The following COL6A2 variants were observed in gnomAD, a reference collection of about 807,000 sequenced individuals.
COL6A2 encodes the protein collagen alpha-2(VI) chain.
A neutral mutation model predicts 124.9 loss-of-function variants in COL6A2; 90 were observed. The ratio of observed to expected loss-of-function variants is 0.72; its 90% confidence interval spans 0.61 to 0.86. The LOEUF is 0.86. COL6A2 is among the 40% of genes least tolerant of loss of function. The pLI is 0.00. For missense variants in COL6A2, 1,607 were observed against 1,502.5 expected, an observed-to-expected ratio of 1.07 and a Z score of -1.15; for synonymous variants, 793 against 618.2, an observed-to-expected ratio of 1.28 and a Z score of -4.19.
Position 46,112,038 on chromosome 21 carries a change from A to G in COL6A2, c.175A>G (p.Met59Val). The G allele has an allele frequency of 6.2e-7, 1 of 1,612,958 alleles. No individual in the cohort carries two copies. Among genetic ancestry groups the G allele is most frequent in the Non-Finnish European group, 8.5e-7 (1 of 1,179,998 alleles). The change falls in exon 3 of 28, where the codon ATG becomes GTG. Residue 59 changes from methionine (M) to valine (V), a missense_variant. Met to Val is a conservative substitution (Grantham distance 21). This residue lies in a region of COL6A2 where 342 missense variants were observed against 381.5 expected (regional missense o/e 0.90). Coordinates refer to ENST00000300527, the MANE Select transcript of COL6A2 (RefSeq NM_001849.4). ...GCTGGACACCTCGGAGAGCGTCACCATGCAGTCCCCCACGGACATCCTGCT... is the reference window on the plus strand; with the variant it reads ...GCTGGACACCTCGGAGAGCGTCACCGTGCAGTCCCCCACGGACATCCTGCT... ...FVLDTSESVTMQSPTDILLFH... is the reference protein window; with the variant it reads ...FVLDTSESVTVQSPTDILLFH...
chr21:46,125,231 C>T (rs776790964), intron 23 of COL6A2, 35 bp from the exon 24 acceptor site: 33 of 1,604,756 alleles, frequency 2.1e-5, no homozygotes, highest in South Asian at 6.6e-5. Context: ...TCTGGGGCCC[C>T]GGGGGGACTA....
intron 4 of COL6A2, 55 bp from the exon 5 acceptor site, chr21:46,113,953 C>A: frequency 6.9e-7 from 1 of 1,448,170 alleles, no homozygotes. Context: ...CCCTGCCCTG[C>A]CACCTGAGGA....
intron 15 of COL6A2, among the ~76,000 whole-genome samples, chr21:46,120,143 T>TGAGGCACCGCTCAC (rs2078540530): frequency 2.9e-5 from 2 of 69,732 alleles, no homozygotes; most frequent in Non-Finnish European, 7.0e-5. Flanking sequence ...AGGCACCTCT[T>TGAGGCACCGCTCAC]ACCCCCAGCC....
chr21:46,123,012 C>A, intron 21 of COL6A2, 75 bp downstream of exon 21: 1 of 1,391,734 alleles, frequency 7.2e-7, no homozygotes, highest in Non-Finnish European at 1.0e-6. Flanking sequence ...GCGTGTGCAT[C>A]TATGAGTACA....
At chr21:46,122,430 G>C (rs1316797688) in intron 19 of COL6A2, 66 bp from the exon 20 acceptor site, 2 of 1,599,542 alleles carry the variant, frequency 1.3e-6, no homozygotes, top group Non-Finnish European at 8.6e-7. Context: ...GCAGAAAGCT[G>C]CCCAGAGGGA....
At chr21:46,112,766 A>G (rs769832534) in intron 3 of COL6A2, 38 bp from the exon 4 acceptor site, 3 of 1,613,492 alleles carry the variant, frequency 1.9e-6, no homozygotes, top group East Asian at 4.5e-5. Context: ...CCAGGTCTCG[A>G]GGCACACGGC....
At position 46,132,710 on chromosome 21, in the gene COL6A2, C is replaced by G. The variant is rs11554666; in HGVS notation, c.*158C>G. On this transcript the variant is annotated 3_prime_UTR_variant, in exon 28 of 28. Transcript: ENST00000300527. ...TCCCACGGGGTCCCCGTAGCCCCGG[C>G]CCCCGCCCAGCCCCAGGTCTCCCCA... The G allele has an allele frequency of 4.0e-6, 3 of 744,494 alleles. No homozygotes were observed. The highest frequency in any genetic ancestry group is 6.6e-6 in the Non-Finnish European group (3 of 456,128). The allele number at this position is 744,494 out of a possible 1,614,324, so 46.1% of individuals were successfully genotyped here.
In COL6A2 at chr21:46,132,088, G is replaced by A; in HGVS notation, c.2596G>A (p.Ala866Thr). 6.3e-7 allele frequency: 1 copy of A among 1,599,584 alleles called. No individual in the cohort carries two copies. The highest frequency in any genetic ancestry group is 1.1e-5 in the South Asian group (1 of 89,780). Residue 866 changes from alanine (A) to threonine (T), a missense_variant, in exon 28 of 28, where the codon GCC (alanine) becomes ACC (threonine). Physicochemically the swap from Ala to Thr is moderately conservative, Grantham distance 58. Transcript: ENST00000300527. Reference sequence around the variant, plus strand: ...GCAGGTGGCGCGGCGGCTGACGCTGGCCCGGAGGGACGACGACCCTCTCAA... The same window carrying A: ...GCAGGTGGCGCGGCGGCTGACGCTGACCCGGAGGGACGACGACCCTCTCAA... ...VEQVARRLTL[A>T]RRDDDPLNAR... is the part of the protein sequence containing the mutation.
At chr21:46,115,527 G>A (rs1169662195) in intron 5 of COL6A2, among the ~76,000 whole-genome samples, 15 of 152,224 alleles carry the variant, frequency 9.9e-5, no homozygotes, top group Admixed American at 5.9e-4. Context: ...CGGTGACCCA[G>A]GCATCGCTGG....
intron 1 of COL6A2, among the ~76,000 whole-genome samples, chr21:46,108,184 T>G (rs541168514): frequency 6.6e-6 from 1 of 152,170 alleles, no homozygotes; most frequent in African/African-American, 2.4e-5. Flanking sequence ...TAAGGACAGT[T>G]TTGTCTCTTC....
intron 1 of COL6A2, among the ~76,000 whole-genome samples, chr21:46,108,106 ATTT>A (rs57568187): frequency 3.8e-5 from 4 of 105,994 alleles, no homozygotes; most frequent in African/African-American, 1.3e-4. Context: ...ATATATATAT[ATTT>A]TTTTTTCTCT....
Position 46,132,125 on chromosome 21 carries a change from C to T in COL6A2, c.2633C>T (p.Ala878Val), listed in dbSNP as rs774521989. Residue 878 changes from alanine (A) to valine (V), a missense_variant, in exon 28 of 28, where the codon GCG becomes GTG. By Grantham distance (64) the Ala-to-Val change is moderately conservative. Around this residue, in one of 3 missense-constraint regions of COL6A2, gnomAD observed 1,223 missense variants for 1,052.2 expected, o/e 1.16. Transcript: ENST00000300527. ...GACGACCCTCTCAACGCACGCGTGG[C>T]GCTGCTGCAGTTTGGTGGCCCCGGC... ...RDDDPLNARV[A>V]LLQFGGPGEQ... 12 of 1,579,748 alleles carry T rather than the reference C, an allele frequency of 7.6e-6. No homozygotes were observed. The highest frequency in any genetic ancestry group is 6.8e-5 in the African/African-American group (5 of 73,936).
chr21:46,126,481 C>G, intron 26 of COL6A2, 22 bp from the exon 27 acceptor site: 2 of 1,613,014 alleles, frequency 1.2e-6, no homozygotes, highest in Non-Finnish European at 1.7e-6. Flanking sequence ...TGGCCTGGCC[C>G]GGCCTCTCTC....
chr21:46,124,237 C>T (rs1275446307), intron 21 of COL6A2, among the ~76,000 whole-genome samples: 3 of 140,228 alleles, frequency 2.1e-5, no homozygotes, highest in Non-Finnish European at 4.7e-5. Context: ...GGATGGGTGA[C>T]TGGGTGGATG....
chr21:46,126,090 A>G lies in COL6A2; in HGVS notation c.2275A>G (p.Ile759Val). Residue 759 changes from isoleucine (I) to valine (V), a missense_variant, in exon 26 of 28, where the codon ATC becomes GTC. By Grantham distance (29) the Ile-to-Val change is conservative (BLOSUM62 3). This residue lies in a region of COL6A2 where 1,223 missense variants were observed against 1,052.2 expected (regional missense o/e 1.16). Coordinates refer to ENST00000300527, the MANE Select transcript of COL6A2 (RefSeq NM_001849.4). ...CGACGTCACAGTGACGGCCATCGGC[A>G]TCGGGGACATGTTCCACGAGAAGCA... ...DRDVTVTAIG[I>V]GDMFHEKHES... 3 of 1,612,950 alleles carry G rather than the reference A, an allele frequency of 1.9e-6. No homozygotes were observed. The highest frequency in any genetic ancestry group is 1.7e-6 in the Non-Finnish European group (2 of 1,180,018).
chr21:46,122,044 A>G, intron 18 of COL6A2, 64 bp from the exon 19 acceptor site: 6 of 1,555,892 alleles, frequency 3.9e-6, no homozygotes, highest in African/African-American at 1.4e-5. Flanking sequence ...CGCCCTGTTG[A>G]GCACAGCCCC....
Position 46,114,012 on chromosome 21 carries a change from A to G in COL6A2, c.740A>G (p.Tyr247Cys). 1 of 1,613,832 alleles carries G rather than the reference A, an allele frequency of 6.2e-7. No homozygotes were observed. Among genetic ancestry groups the G allele is most frequent in the Non-Finnish European group, 8.5e-7 (1 of 1,179,922 alleles). Residue 247 changes from tyrosine to cysteine, a missense_variant, in exon 5 of 28, where the codon TAC (tyrosine) becomes TGC (cysteine). Around this residue, in one of 3 missense-constraint regions of COL6A2, gnomAD observed 342 missense variants for 381.5 expected, o/e 0.90. Coordinates refer to ENST00000300527, the MANE Select transcript of COL6A2 (RefSeq NM_001849.4). ...GTCTCTGCTTCCTCGTTTCAGTGCT[A>G]CAAGGTGAGCTGCCTGGAAATCCCT... ...VMKHEAYGECYKVSCLEIPGP... is the reference protein window; with the variant it reads ...VMKHEAYGECCKVSCLEIPGP...
intron 27 of COL6A2, chr21:46,129,860 G>A: frequency 9.6e-7 from 1 of 1,045,306 alleles, no homozygotes; most frequent in Non-Finnish European, 1.2e-6. Context: ...TCCAGGGTTT[G>A]GGTGTGGAAG....
Position 46,116,789 on chromosome 21 carries a change from G to A in COL6A2, c.974G>A (p.Gly325Asp). 2 of 1,613,008 alleles carry A rather than the reference G, an allele frequency of 1.2e-6. No homozygotes were observed. The highest frequency in any genetic ancestry group is 1.7e-6 in the Non-Finnish European group (2 of 1,180,004). ...DGRKGAPGLA[G>D]KNGTDGQKGK... ...CTTCAGGGGGCCCCTGGCCTGGCTGGCAAGAACGGGACCGATGGACAGAAG... is the reference window on the plus strand; with the variant it reads ...CTTCAGGGGGCCCCTGGCCTGGCTGACAAGAACGGGACCGATGGACAGAAG... The change falls in exon 10 of 28, where the codon GGC (glycine) becomes GAC (aspartate). Residue 325 changes from glycine to aspartate, a missense_variant. Coordinates refer to ENST00000300527, the MANE Select transcript of COL6A2 (RefSeq NM_001849.4). The surrounding 1 kb of genome is among the most constrained non-coding windows in gnomAD (Gnocchi z 4.6).
Sources: allele counts gnomAD v4.1 joint callset (sites outside exome capture counted in the v4.1 genomes callset), GRCh38; gene constraint gnomAD v4.1.1; regional missense constraint gnomAD v4.1.1; non-coding constraint Gnocchi (gnomAD v3.1); transcripts MANE v1.5; gene names NCBI Gene and HGNC (gene_info 2026-07-23, HGNC 2026-07-21).